Variants in TFCP2 observed in about 807,000 individuals in gnomAD.
TFCP2 encodes the protein transcription factor CP2.
In TFCP2, 33 loss-of-function variants were observed where a neutral mutation model predicts 73.4. That is an observed-to-expected ratio of 0.45 (90% CI 0.34 to 0.60). The LOEUF (loss-of-function observed/expected upper bound fraction) is 0.60. Ranked by LOEUF, TFCP2 falls within the 20% of genes least tolerant of loss-of-function variation. TFCP2 has a pLI of 0.01. For missense variants in TFCP2, 352 were observed against 604.0 expected, an observed-to-expected ratio of 0.58 and a Z score of 4.37; for synonymous variants, 193 against 211.6, an observed-to-expected ratio of 0.91 and a Z score of 0.76.
rs576775430 is a variant in TFCP2, at chr12:51,151,498, G to A, written c.122+20803C>T. Reference sequence around the variant, plus strand: ...GTCGCCCAGGCTGGAGTGCAGTGGCGCGATCTCGGCTCACTGCAAGCTCTG... The same window carrying A: ...GTCGCCCAGGCTGGAGTGCAGTGGCACGATCTCGGCTCACTGCAAGCTCTG... On this transcript the variant is annotated intron_variant, in intron 1 of 14. Coordinates refer to ENST00000257915, the MANE Select transcript of TFCP2 (RefSeq NM_005653.5). Among the ~76,000 whole-genome samples, 39 of 152,006 alleles carry A rather than the reference G, an allele frequency of 2.6e-4. No individual in the cohort carries two copies. In the South Asian group the frequency reaches 4.6e-3, roughly 18 times the overall value.
chr12:51,132,114 C>A (rs1237437894), intron 1 of TFCP2, among the ~76,000 whole-genome samples: 7 of 152,078 alleles, frequency 4.6e-5, no homozygotes, highest in African/African-American at 1.7e-4. Flanking sequence ...TAAATGAAGT[C>A]TAAATAATCC....
At chr12:51,161,046 G>C (rs1368927279) in intron 1 of TFCP2, among the ~76,000 whole-genome samples, 1 of 152,126 alleles carries the variant, frequency 6.6e-6, no homozygotes, top group Non-Finnish European at 1.5e-5. Flanking sequence ...CTAGACAAGT[G>C]AACTTAAAGG....
chr12:51,128,478 T>TAAAAAAAAAAAAAA (rs11324129), intron 1 of TFCP2, among the ~76,000 whole-genome samples: 5 of 137,302 alleles, frequency 3.6e-5, no homozygotes, highest in East Asian at 2.1e-4. Context: ...AGTATAATAA[T>TAAAAAAAAAAAAAA]AAAAAAAAAA....
At chr12:51,146,112 T>C (rs1334572109) in intron 1 of TFCP2, among the ~76,000 whole-genome samples, 4 of 151,544 alleles carry the variant, frequency 2.6e-5, no homozygotes, top group Non-Finnish European at 5.9e-5. Flanking sequence ...ACACCTGTAA[T>C]CTTAACACTT....
rs1163606784 is a variant in TFCP2 at position 51,094,212 on chromosome 12, T to C, written c.*1029A>G. The C allele has an allele frequency of 1.3e-5, 2 of 152,188 alleles. No individual in the cohort carries two copies. Among genetic ancestry groups the C allele is most frequent in the Non-Finnish European group, 2.9e-5 (2 of 68,018 alleles). 9.4% of individuals were successfully genotyped at this position (152,188 alleles called of 1,614,324 possible). On this transcript the variant is annotated 3_prime_UTR_variant, in exon 15 of 15. Coordinates refer to ENST00000257915, the MANE Select transcript of TFCP2 (RefSeq NM_005653.5). ...GTTTGAGAATGTCATTCAAGAACAG[T>C]AAATTTGGGGAGTTACAGATAATCC...
intron 1 of TFCP2, among the ~76,000 whole-genome samples, chr12:51,160,057 G>C (rs565537288): frequency 6.6e-6 from 1 of 151,736 alleles, no homozygotes; most frequent in African/African-American, 2.4e-5. Flanking sequence ...TTCTGCCAAA[G>C]CAACTGTTAT....
At chr12:51,169,293 G>A (rs954361499) in intron 1 of TFCP2, among the ~76,000 whole-genome samples, 6 of 151,864 alleles carry the variant, frequency 4.0e-5, no homozygotes, top group Non-Finnish European at 8.8e-5. Context: ...CTGAGGTCAG[G>A]AGTTCAAGAC....
intron 1 of TFCP2, among the ~76,000 whole-genome samples, chr12:51,134,849 C>T (rs1380437925): frequency 1.3e-5 from 2 of 152,244 alleles, no homozygotes; most frequent in Non-Finnish European, 2.9e-5. Context: ...GTGCCTCATG[C>T]CTATAATCCC....
At chr12:51,152,989 C>T (rs1189172295) in intron 1 of TFCP2, among the ~76,000 whole-genome samples, 2 of 152,174 alleles carry the variant, frequency 1.3e-5, no homozygotes, top group African/African-American at 4.8e-5. Context: ...GGTGGTGATA[C>T]TTTCGCAGCT....
intron 1 of TFCP2, among the ~76,000 whole-genome samples, chr12:51,120,812 G>C (rs1050786736): frequency 3.4e-5 from 5 of 146,756 alleles, no homozygotes; most frequent in African/African-American, 5.0e-5. Context: ...ACACACATCT[G>C]TAATCCCAGC....
At chr12:51,165,028 A>G (rs1389730298) in intron 1 of TFCP2, among the ~76,000 whole-genome samples, 4 of 152,150 alleles carry the variant, frequency 2.6e-5, no homozygotes, top group Non-Finnish European at 5.9e-5. Context: ...TATGAGGCCA[A>G]CATCACCCTG....
At chr12:51,118,920 C>A in intron 1 of TFCP2, 148 bp from the exon 2 acceptor site, 1 of 881,492 alleles carries the variant, frequency 1.1e-6, no homozygotes, top group East Asian at 2.6e-5. Context: ...TTTAGATTAC[C>A]TGCTGTGATA....
chr12:51,149,660 C>A (rs1278937231), intron 1 of TFCP2, among the ~76,000 whole-genome samples: 1 of 152,070 alleles, frequency 6.6e-6, no homozygotes, highest in African/African-American at 2.4e-5. Flanking sequence ...AGTGCAGTGG[C>A]ACGATCTTTG....
Position 51,107,362 on chromosome 12 carries a change from T to A in TFCP2, c.718-16A>T. ...CACCTTTGGGCTGAAATGAGAAATA[T>A]TTTGTTTTAAATTCAGGTACTCACC... On this transcript the variant is annotated splice_polypyrimidine_tract_variant and intron_variant, in intron 6 of 14. Transcript: ENST00000257915. 6.3e-7 allele frequency: 1 copy of A among 1,599,626 alleles called. No homozygotes were observed. The highest frequency in any genetic ancestry group is 1.1e-5 in the South Asian group (1 of 87,708).
chr12:51,136,470 A>T (rs1236212167), intron 1 of TFCP2, among the ~76,000 whole-genome samples: 1 of 152,198 alleles, frequency 6.6e-6, no homozygotes, highest in Non-Finnish European at 1.5e-5. Context: ...TAAAGGAAGC[A>T]GTATTACTGA....
chr12:51,164,964 T>C (rs1247949557), intron 1 of TFCP2, among the ~76,000 whole-genome samples: 1 of 152,128 alleles, frequency 6.6e-6, no homozygotes, highest in African/African-American at 2.4e-5. Context: ...TTAACACCAA[T>C]CCTACTCGAA....
chr12:51,163,088 C>T (rs910030772), intron 1 of TFCP2: 7 of 151,758 alleles, frequency 4.6e-5, no homozygotes, highest in Non-Finnish European at 1.0e-4. Flanking sequence ...TCACTTGATC[C>T]CAGGAATTTG....
chr12:51,109,307 G>A (rs779104052), intron 5 of TFCP2, 34 bp from the exon 6 acceptor site: 13 of 1,606,826 alleles, frequency 8.1e-6, no homozygotes, highest in South Asian at 5.6e-5. Context: ...CTTCAGTACC[G>A]CTAGCTAGCC....
At chr12:51,117,885 A>C (rs752100371) in intron 2 of TFCP2, 138 bp from the exon 3 acceptor site, 1 of 601,210 alleles carries the variant, frequency 1.7e-6, no homozygotes, top group Non-Finnish European at 2.9e-6. Flanking sequence ...AGAAGCCTTT[A>C]CAAGATGCTC....
Sources: allele counts gnomAD v4.1 joint callset (sites outside exome capture counted in the v4.1 genomes callset), GRCh38; gene constraint gnomAD v4.1.1; transcripts MANE v1.5; gene names NCBI Gene and HGNC (gene_info 2026-07-23, HGNC 2026-07-21).